The following RBFOX1 variants were observed in gnomAD, a reference collection of about 807,000 sequenced individuals.
RBFOX1 encodes RNA binding fox-1 homolog 1, also known as RNA binding protein fox-1 homolog 1.
Under a neutral mutation model 57.7 loss-of-function variants are expected in RBFOX1, and 8 were observed. The ratio of observed to expected loss-of-function variants is 0.14; its 90% confidence interval spans 0.08 to 0.25. The LOEUF (loss-of-function observed/expected upper bound fraction) is 0.25, where lower values mean the gene tolerates loss of function less well. Ranked by LOEUF, RBFOX1 falls within the 10% of genes least tolerant of loss-of-function variation. The pLI, the probability that RBFOX1 is intolerant of heterozygous loss-of-function variation, is 1.00. For missense variants in RBFOX1, 611 were observed against 548.5 expected (o/e 1.11, Z -1.14); for synonymous variants, 326 against 222.4 (o/e 1.47, Z -4.15).
chr16:7,660,693 A>G (rs1363191711), intron 12 of RBFOX1, among the ~76,000 whole-genome samples: 1 of 152,238 alleles, frequency 6.6e-6, no homozygotes, highest in Non-Finnish European at 1.5e-5. Flanking sequence ...GACCAATAGC[A>G]TCCGCATCAT....
rs1393335373 is a variant in RBFOX1, at chr16:5,410,058, A to T, written c.220-57158A>T. Among the ~76,000 whole-genome samples the T allele has an allele frequency of 8.8e-4, 131 of 149,334 alleles. 3 individuals carry two copies. The highest frequency in any genetic ancestry group is 1.5e-3 in the South Asian group (7 of 4,714). On this transcript the variant is annotated intron_variant, in intron 1 of 2. Coordinates refer to the RBFOX1 transcript ENST00000585867. ...GCAAGACTCCATCTCAAAAAAAAAA[A>T]AAAAAAAATAATAATCAACATGCAG...
intron 4 of RBFOX1, among the ~76,000 whole-genome samples, chr16:7,380,827 A>C (rs2097771639): frequency 6.6e-6 from 1 of 152,254 alleles, no homozygotes; most frequent in Admixed American, 6.5e-5. Flanking sequence ...ATTTCATAGA[A>C]GCAGGGGTCT....
intron 4 of RBFOX1, among the ~76,000 whole-genome samples, chr16:7,487,901 C>G (rs1020519244): frequency 6.6e-6 from 1 of 152,180 alleles, no homozygotes; most frequent in Non-Finnish European, 1.5e-5. Context: ...AAAAGCAAAT[C>G]TATTACCAGC....
intron 3 of RBFOX1, among the ~76,000 whole-genome samples, chr16:6,773,630 TTG>T (rs1399178703): frequency 8.8e-5 from 11 of 124,384 alleles, no homozygotes; most frequent in East Asian, 2.6e-4. Context: ...TGGGGTGCAT[TTG>T]TGTGTGTATG....
chr16:6,574,373 G>T (rs1212227479), intron 2 of RBFOX1, among the ~76,000 whole-genome samples: 1 of 150,922 alleles, frequency 6.6e-6, no homozygotes, highest in African/African-American at 2.4e-5. Flanking sequence ...TGGGAATGCT[G>T]TGAGGAGGGG....
At chr16:7,642,533 A>T (rs1398641141) in intron 11 of RBFOX1, among the ~76,000 whole-genome samples, 1 of 152,174 alleles carries the variant, frequency 6.6e-6, no homozygotes, top group Non-Finnish European at 1.5e-5. Flanking sequence ...CAGCATAAGG[A>T]AGCTAATTTA....
chr16:6,899,369 C>A (rs190972474), intron 3 of RBFOX1, among the ~76,000 whole-genome samples: 1 of 152,120 alleles, frequency 6.6e-6, no homozygotes, highest in Non-Finnish European at 1.5e-5. Context: ...TTTCTTCTTC[C>A]CTAGGCATTA....
chr16:6,414,325 C>T (rs1386681358), intron 2 of RBFOX1, among the ~76,000 whole-genome samples: 3 of 152,130 alleles, frequency 2.0e-5, no homozygotes, highest in Non-Finnish European at 2.9e-5. Flanking sequence ...TTTCCCAGTC[C>T]TCTTCTCTGG....
intron 3 of RBFOX1, among the ~76,000 whole-genome samples, chr16:6,960,109 G>A (rs540098732): frequency 6.6e-6 from 1 of 152,128 alleles, no homozygotes; most frequent in South Asian, 2.1e-4. Flanking sequence ...GTGTATTGGG[G>A]GTCTGAAGAA....
intron 4 of RBFOX1, among the ~76,000 whole-genome samples, chr16:7,165,208 C>G (rs1396326621): frequency 1.3e-5 from 2 of 151,978 alleles, no homozygotes; most frequent in Non-Finnish European, 2.9e-5. Flanking sequence ...CAGTCTCTAT[C>G]TCTGCCACAG....
At chr16:7,419,833 G>A (rs911339092) in intron 4 of RBFOX1, among the ~76,000 whole-genome samples, 3 of 151,726 alleles carry the variant, frequency 2.0e-5, no homozygotes, top group African/African-American at 7.3e-5. Flanking sequence ...CCTAATGGAG[G>A]CATGTCCTTT....
At chr16:7,213,709 C>G (rs1274052514) in intron 4 of RBFOX1, among the ~76,000 whole-genome samples, 2 of 152,118 alleles carry the variant, frequency 1.3e-5, no homozygotes, top group African/African-American at 4.8e-5. Context: ...ACTCAAGGGA[C>G]CGAGGTTCCA....
chr16:5,403,358 A>AG (rs1384735732), intron 1 of RBFOX1, among the ~76,000 whole-genome samples: 1 of 149,628 alleles, frequency 6.7e-6, no homozygotes, highest in African/African-American at 2.5e-5. Context: ...TCAAAAAAAA[A>AG]AAAAAAAAAC....
chr16:5,598,684 C>G (rs2047266788), intron 2 of RBFOX1, among the ~76,000 whole-genome samples: 1 of 152,178 alleles, frequency 6.6e-6, no homozygotes, highest in African/African-American at 2.4e-5. Context: ...TTCAATGAGA[C>G]TAGCCACGGG....
At chr16:7,178,293 T>C (rs2082059962) in intron 4 of RBFOX1, among the ~76,000 whole-genome samples, 1 of 152,216 alleles carries the variant, frequency 6.6e-6, no homozygotes, top group Non-Finnish European at 1.5e-5. Flanking sequence ...ACAGCCTTCT[T>C]GATTGACGTC....
chr16:5,949,533 A>G (rs1164420530), intron 4 of RBFOX1, among the ~76,000 whole-genome samples: 1 of 143,428 alleles, frequency 7.0e-6, no homozygotes, highest in African/African-American at 2.7e-5. Flanking sequence ...CTCAAAAAAA[A>G]AAAAAAAAAA....
intron 1 of RBFOX1, among the ~76,000 whole-genome samples, chr16:6,201,545 G>A (rs2097215320): frequency 6.6e-6 from 1 of 152,074 alleles, no homozygotes; most frequent in African/African-American, 2.4e-5. Context: ...GAGAGATTGG[G>A]GATGGTTAAT....
At chr16:6,608,158 C>T (rs2097973278) in intron 2 of RBFOX1, among the ~76,000 whole-genome samples, 1 of 152,176 alleles carries the variant, frequency 6.6e-6, no homozygotes, top group Non-Finnish European at 1.5e-5. Context: ...ACTTTCTTAA[C>T]TCTTACCAGA....
chr16:6,936,977 G>C (rs938588889), intron 3 of RBFOX1, among the ~76,000 whole-genome samples: 1 of 150,884 alleles, frequency 6.6e-6, no homozygotes, highest in African/African-American at 2.4e-5. Context: ...AGCATTGGGA[G>C]ATATACCTAA....
Sources: allele counts gnomAD v4.1 joint callset (sites outside exome capture counted in the v4.1 genomes callset), GRCh38; gene constraint gnomAD v4.1.1; transcripts MANE v1.5; gene names NCBI Gene and HGNC (gene_info 2026-07-23, HGNC 2026-07-21).